CEP72: variants seen among roughly 807,000 people sequenced by gnomAD.
The protein encoded by CEP72 is centrosomal protein of 72 kDa.
Under a neutral mutation model 65.7 loss-of-function variants are expected in CEP72, and 78 were observed. The ratio of observed to expected loss-of-function variants is 1.19; its 90% CI spans 0.99 to 1.43. CEP72 has a LOEUF of 1.43. Among genes scored for constraint, CEP72 ranks in the 40% most tolerant of loss-of-function variants. CEP72 has a pLI of 0.00. For synonymous variants in CEP72, 358 were observed against 351.7 expected (o/e 1.02, Z -0.20); for missense variants, 914 against 832.9 (o/e 1.10, Z -1.20).
At chr5:629,734 A>G (rs6880071) in intron 4 of CEP72, among the ~76,000 whole-genome samples, 4 of 25,294 alleles carry the variant, frequency 1.6e-4, no homozygotes, top group Admixed American at 5.0e-4. Context: ...CCGGGATTTG[A>G]CTCAGTCCTG....
chr5:649,734 C>T (rs1204543632), intron 11 of CEP72, among the ~76,000 whole-genome samples: 2 of 64,682 alleles, frequency 3.1e-5, no homozygotes, highest in African/African-American at 8.3e-5. Context: ...GAGGCGTGGA[C>T]TGTGAGGCGT....
At chr5:653,770 CTCT>C, downstream of CEP72, among the ~76,000 whole-genome samples, 1 of 152,312 alleles carries the variant, frequency 6.6e-6, no homozygotes, top group Admixed American at 6.5e-5. Context: ...CTGGCTCGCT[CTCT>C]TGTTTGCAGT....
At position 647,969 on chromosome 5, in the gene CEP72, A is replaced by G. The variant is rs937313387; in HGVS notation, c.1778+53A>G. On this transcript the variant is annotated intron_variant, in intron 11 of 11. Coordinates refer to ENST00000264935, the MANE Select transcript of CEP72 (RefSeq NM_018140.4). Reference sequence around the variant, plus strand: ...CCCCGAGGGGAGGAGGCCCAGGTACAGGGAGGGTTGGGCCGGACTGGGTCA... The same window carrying G: ...CCCCGAGGGGAGGAGGCCCAGGTACGGGGAGGGTTGGGCCGGACTGGGTCA... 6.8e-6 allele frequency: 9 copies of G among 1,329,250 alleles called. No individual in the cohort carries two copies. The African/African-American group carries it at 8.7e-5, about 13-fold the overall frequency. 82.3% of individuals were successfully genotyped at this position (1,329,250 alleles called of 1,614,324 possible).
At chr5:628,209 G>T (rs1408385887) in intron 4 of CEP72, among the ~76,000 whole-genome samples, 1 of 152,246 alleles carries the variant, frequency 6.6e-6, no homozygotes, top group African/African-American at 2.4e-5. Flanking sequence ...GATTTTCTCA[G>T]TTGAGATTGT....
At chr5:656,433 C>T (rs1739381345), downstream of CEP72, among the ~76,000 whole-genome samples, 1 of 152,206 alleles carries the variant, frequency 6.6e-6, no homozygotes, top group Admixed American at 6.5e-5. Flanking sequence ...TCTGTCTCTC[C>T]AAATGTTAGG....
the CEP72 span, among the ~76,000 whole-genome samples, chr5:674,608 C>T: frequency 6.6e-6 from 1 of 152,130 alleles, no homozygotes; most frequent in Non-Finnish European, 1.5e-5. Flanking sequence ...TCACTGCTGC[C>T]TGCCCATGGC....
intron 3 of CEP72, chr5:665,395 G>A: frequency 1.8e-6 from 2 of 1,139,812 alleles, no homozygotes; most frequent in African/African-American, 1.5e-5. Flanking sequence ...CAGCGGTGGG[G>A]CACTGGGCAA....
chr5:641,565 C>A (rs77310508), intron 9 of CEP72: 1 of 985,144 alleles, frequency 1.0e-6, no homozygotes, highest in Non-Finnish European at 1.2e-6. Context: ...TCTGTTTAAA[C>A]GCACGTGGCC....
intron 11 of CEP72, among the ~76,000 whole-genome samples, chr5:652,541 G>A (rs1044843251): frequency 2.0e-5 from 3 of 152,184 alleles, no homozygotes; most frequent in Non-Finnish European, 4.4e-5. Flanking sequence ...TAAAGACTAG[G>A]ACTCTTCTAT....
At chr5:644,668 C>T (rs868294789) in intron 10 of CEP72, among the ~76,000 whole-genome samples, 1 of 152,178 alleles carries the variant, frequency 6.6e-6, no homozygotes, top group Non-Finnish European at 1.5e-5. Flanking sequence ...CCTGTCCTCA[C>T]CCTGCCCGAC....
intron 7 of CEP72, 97 bp downstream of exon 7, chr5:637,915 T>A (rs1737726452): frequency 4.2e-6 from 5 of 1,186,218 alleles, no homozygotes; most frequent in Middle Eastern, 5.8e-4. Flanking sequence ...CCTGCGGCAC[T>A]GACTGTGTCC....
intron 9 of CEP72, chr5:641,656 C>A: frequency 2.0e-6 from 2 of 985,056 alleles, no homozygotes; most frequent in Non-Finnish European, 2.4e-6. Context: ...CCTCCTCCAT[C>A]TGGAAGCCTC....
chr5:666,159 G>A (rs748421364), intron 4 of CEP72: 3 of 1,540,694 alleles, frequency 1.9e-6, no homozygotes, highest in South Asian at 2.3e-5. Flanking sequence ...CTGGGCGCGG[G>A]CCGGCCCAGG....
intron 4 of CEP72, chr5:666,782 A>C (rs1739935089): frequency 6.6e-6 from 1 of 152,276 alleles, no homozygotes; most frequent in Non-Finnish European, 1.5e-5. Flanking sequence ...CAGGCCATTC[A>C]GGCAATTTTA....
chr5:638,716 CA>C (rs1737793805), intron 7 of CEP72, among the ~76,000 whole-genome samples: 1 of 152,186 alleles, frequency 6.6e-6, no homozygotes, highest in South Asian at 2.1e-4. Flanking sequence ...CACCCTCTAC[CA>C]GCCTGACTGT....
At position 644,162 on chromosome 5, in the gene CEP72, G is replaced by C; in HGVS notation, c.1540-137G>C. ...GAGCAGGGAGATGTACCGTGAAACTGAATTACTGCCTTTCACATCGTGACT... is the reference window on the plus strand; with the variant it reads ...GAGCAGGGAGATGTACCGTGAAACTCAATTACTGCCTTTCACATCGTGACT... On this transcript the variant is annotated intron_variant, in intron 9 of 11. Coordinates refer to ENST00000264935, the MANE Select transcript of CEP72 (RefSeq NM_018140.4). 1.0e-5 allele frequency: 10 copies of C among 956,770 alleles called. No homozygotes were observed. In the South Asian group the frequency reaches 1.4e-4, roughly 13 times the overall value. 59.3% of individuals were successfully genotyped at this position (956,770 alleles called of 1,614,324 possible). A position where few individuals can be genotyped will look rare whatever the true frequency, so the allele number is the denominator to read the frequency against.
chr5:671,364 C>T (rs184107241), downstream of CEP72, among the ~76,000 whole-genome samples: 7 of 152,090 alleles, frequency 4.6e-5, no homozygotes, highest in African/African-American at 9.6e-5. Flanking sequence ...CTGAGGGGCC[C>T]GACCTTCTCT....
At chr5:642,720 A>T in intron 9 of CEP72, 2 of 985,438 alleles carry the variant, frequency 2.0e-6, no homozygotes, top group Non-Finnish European at 2.4e-6. Flanking sequence ...ATCCAGAAGA[A>T]TCTGGCAGCC....
At chr5:616,837 C>T (rs1173085475) in intron 1 of CEP72, among the ~76,000 whole-genome samples, 1 of 147,950 alleles carries the variant, frequency 6.8e-6, no homozygotes, top group Non-Finnish European at 1.5e-5. Context: ...TGTGTGCGCG[C>T]GAGTGGGGGT....
Sources: gnomAD v4.1 joint callset for allele counts (sites outside exome capture counted in the v4.1 genomes callset) on GRCh38, gnomAD v4.1.1 for gene constraint, MANE v1.5 for transcripts, NCBI Gene and HGNC (gene_info 2026-07-23, HGNC 2026-07-21) for gene names.